The following PARVB variants were observed in gnomAD, a reference collection of about 807,000 sequenced individuals.
PARVB encodes the protein parvin beta, also known as beta-parvin.
In PARVB, 46 loss-of-function variants were observed where a neutral mutation model predicts 47.0. The observed-to-expected ratio is 0.98, with a 90% CI of 0.77 to 1.25. The LOEUF (loss-of-function observed/expected upper bound fraction) is 1.25. Among genes scored for constraint, PARVB ranks in the 50% most tolerant of loss-of-function variants. The pLI is 0.00. For missense variants in PARVB, 473 were observed against 471.6 expected (o/e 1.00, Z -0.03); for synonymous variants, 196 against 196.3 (o/e 1.00, Z 0.01).
intron 12 of PARVB, among the ~76,000 whole-genome samples, chr22:44,166,170 C>T (rs1382030771): frequency 2.0e-5 from 3 of 152,150 alleles, no homozygotes; most frequent in Non-Finnish European, 4.4e-5. Context: ...AGTGCAGTGG[C>T]GCGATCCCAG....
Position 44,119,072 on chromosome 22 carries a change from A to G in PARVB, c.308A>G (p.Glu103Gly), listed in dbSNP as rs1330415354. The change falls in exon 4 of 13, where the codon GAG becomes GGG. Residue 103 changes from glutamate to glycine, a missense_variant. Coordinates refer to ENST00000338758, the MANE Select transcript of PARVB (RefSeq NM_013327.5). ...GACTGGATTAATGACGTGCTGGTGG[A>G]GGAGAGGATCATTGTGAAGCAGCTG... ...LLDWINDVLV[E>G]ERIIVKQLEE... The G allele has an allele frequency of 2.5e-6, 4 of 1,613,894 alleles. No homozygotes were observed. Among genetic ancestry groups the G allele is most frequent in the African/African-American group, 2.7e-5 (2 of 74,900 alleles).
At chr22:44,117,681 T>C (rs540594380) in intron 3 of PARVB, among the ~76,000 whole-genome samples, 2 of 152,358 alleles carry the variant, frequency 1.3e-5, no homozygotes, top group Admixed American at 1.3e-4. Flanking sequence ...AGAATGTGCT[T>C]CACAGAAATT....
At chr22:44,070,531 G>C (rs925306352) in intron 1 of PARVB, among the ~76,000 whole-genome samples, 3 of 152,186 alleles carry the variant, frequency 2.0e-5, no homozygotes, top group Non-Finnish European at 4.4e-5. Flanking sequence ...GAGCTCCCAG[G>C]CTGATTTTTG....
chr22:44,115,800 C>G (rs1300411412), intron 3 of PARVB: 1 of 140,668 alleles, frequency 7.1e-6, no homozygotes, highest in Non-Finnish European at 1.5e-5. Flanking sequence ...AGGCCCTGCA[C>G]CAACACAGAT....
At chr22:44,148,137 C>G in intron 9 of PARVB, 1 of 580,028 alleles carries the variant, frequency 1.7e-6, no homozygotes, top group African/African-American at 1.9e-5. Flanking sequence ...GTCTTCCTGC[C>G]CGCCCGCTCC....
chr22:44,149,706 C>T (rs539519874), intron 9 of PARVB: 1 of 152,404 alleles, frequency 6.6e-6, no homozygotes, highest in African/African-American at 2.4e-5. Context: ...CTCTTGACTT[C>T]TCCGTCCCAC....
At chr22:44,117,794 C>A (rs1316038246) in intron 3 of PARVB, among the ~76,000 whole-genome samples, 1 of 150,356 alleles carries the variant, frequency 6.7e-6, no homozygotes, top group African/African-American at 2.5e-5. Flanking sequence ...GGGCCATAAA[C>A]TCCCATTTCC....
rs1204990657 is a variant in PARVB at position 44,100,036 on chromosome 22, C to A, written c.203-17C>A. ...CCCCCACAATCGCTGACCGTGACTT[C>A]CTTTTGTCCCTGGCAGAGGAGAACG... On this transcript the variant is annotated splice_polypyrimidine_tract_variant and intron_variant, in intron 2 of 12. Transcript: ENST00000338758. The A allele has an allele frequency of 1.2e-6, 2 of 1,612,306 alleles. No homozygotes were observed. The highest frequency in any genetic ancestry group is 8.5e-7 in the Non-Finnish European group (1 of 1,178,392).
intron 2 of PARVB, among the ~76,000 whole-genome samples, chr22:44,094,501 A>G (rs1454522311): frequency 2.0e-5 from 3 of 151,986 alleles, no homozygotes; most frequent in Non-Finnish European, 2.9e-5. Flanking sequence ...TTATGTATAT[A>G]TTTTTTGAGA....
chr22:43,999,257 A>T, exon 1 of PARVB: 3 of 1,144,156 alleles, frequency 2.6e-6, no homozygotes, highest in Non-Finnish European at 3.7e-6. Flanking sequence ...GCAGCTCCTT[A>T]AACTAAGAAC....
intron 1 of PARVB, among the ~76,000 whole-genome samples, chr22:44,041,581 A>T (rs1394213783): frequency 6.6e-6 from 1 of 151,946 alleles, no homozygotes; most frequent in Non-Finnish European, 1.5e-5. Flanking sequence ...ACTGGGCCTG[A>T]TACATAATAA....
rs189014453 is a variant in PARVB, at chr22:44,044,222, G to A, written c.112+19771G>A. The stretch of plus-strand genomic sequence containing the variant: ...TTTTTTTTTTTTGAGATGGAGTCTC[G>A]CTCTGTTGTCAAGGCTGGAGTGCAA... On this transcript the variant is annotated intron_variant, in intron 1 of 12. Coordinates refer to ENST00000338758, the MANE Select transcript of PARVB (RefSeq NM_013327.5). Among the ~76,000 whole-genome samples the A allele has an allele frequency of 8.0e-3, 1,153 of 144,500 alleles. 22 individuals carry two copies. The highest frequency in any genetic ancestry group is 0.028 in the African/African-American group (1,098 of 38,572). 94.8% of individuals were successfully genotyped at this position (144,500 alleles called of 152,430 possible).
chr22:44,101,921 A>G (rs1800180859), intron 3 of PARVB, among the ~76,000 whole-genome samples: 1 of 152,206 alleles, frequency 6.6e-6, no homozygotes, highest in Admixed American at 6.5e-5. Flanking sequence ...TTTAGCCACG[A>G]AAATGTTGTT....
At chr22:44,156,063 T>G (rs1363987639) in intron 10 of PARVB, among the ~76,000 whole-genome samples, 1 of 151,940 alleles carries the variant, frequency 6.6e-6, no homozygotes, top group African/African-American at 2.4e-5. Flanking sequence ...GGCAGAAGAA[T>G]TGCTTGAACC....
chr22:44,122,562 CAGAGAGAGAGAGAGAGAGAGAGAGAGAG>C (rs55865160), intron 4 of PARVB, among the ~76,000 whole-genome samples: 1 of 78,786 alleles, frequency 1.3e-5, no homozygotes, highest in African/African-American at 5.9e-5. Flanking sequence ...GACACAGAGA[CAGAGAGAGAGAGAGAGAGAGAGAGAGAG>C]AGAGAGAGAG....
chr22:44,090,960 C>G (rs1428135942), intron 1 of PARVB, among the ~76,000 whole-genome samples: 1 of 152,240 alleles, frequency 6.6e-6, no homozygotes, highest in Non-Finnish European at 1.5e-5. Flanking sequence ...TGTAACTCGT[C>G]ATGTGGTACA....
chr22:44,073,608 C>T (rs1175597203), intron 1 of PARVB, among the ~76,000 whole-genome samples: 2 of 152,218 alleles, frequency 1.3e-5, no homozygotes, highest in Non-Finnish European at 2.9e-5. Flanking sequence ...TGTCACTGTC[C>T]TGATCTTCAG....
chr22:44,135,123 C>T (rs1025562770), intron 6 of PARVB, among the ~76,000 whole-genome samples: 14 of 152,198 alleles, frequency 9.2e-5, no homozygotes, highest in Non-Finnish European at 1.9e-4. Flanking sequence ...TGGGCTGGCC[C>T]AGCGGGAAAT....
At chr22:44,147,609 G>A in intron 8 of PARVB, 2 of 688,738 alleles carry the variant, frequency 2.9e-6, no homozygotes, top group South Asian at 1.4e-5. Flanking sequence ...AAAAGCAGGT[G>A]GAAGGGACCC....
Sources: allele counts gnomAD v4.1 joint callset (sites outside exome capture counted in the v4.1 genomes callset), GRCh38; gene constraint gnomAD v4.1.1; transcripts MANE v1.5; gene names NCBI Gene and HGNC (gene_info 2026-07-23, HGNC 2026-07-21).